ABLIM1: variants seen among roughly 807,000 people sequenced by gnomAD.
ABLIM1 encodes actin-binding LIM protein 1.
Under a neutral mutation model 107.0 loss-of-function variants are expected in ABLIM1, and 40 were observed. That is an observed-to-expected ratio of 0.37 (90% CI 0.29 to 0.49). The LOEUF (loss-of-function observed/expected upper bound fraction) is 0.49. ABLIM1 is among the 20% of genes least tolerant of loss of function. The probability of loss-of-function intolerance (pLI) is 0.97; values close to 1 mark genes in which losing one functional copy is unlikely to be tolerated. For missense variants in ABLIM1, 857 were observed against 1,008.5 expected, an observed-to-expected ratio of 0.85 and a Z score of 2.04; for synonymous variants, 357 against 357.3, an observed-to-expected ratio of 1.00 and a Z score of 0.01.
chr10:114,736,653 G>C (rs949726531), intron 1 of ABLIM1, among the ~76,000 whole-genome samples: 4 of 152,264 alleles, frequency 2.6e-5, no homozygotes, highest in African/African-American at 9.6e-5. Flanking sequence ...GAAATCTAGT[G>C]ACCAACATAT....
chr10:114,565,589 G>A (rs991544039), intron 4 of ABLIM1, among the ~76,000 whole-genome samples: 1 of 151,982 alleles, frequency 6.6e-6, no homozygotes, highest in Non-Finnish European at 1.5e-5. Flanking sequence ...CGGAAGCCAG[G>A]GCAGATCTTT....
At chr10:114,445,520 C>T (rs1175552954) in intron 15 of ABLIM1, 117 bp from the exon 16 acceptor site, 1 of 825,346 alleles carries the variant, frequency 1.2e-6, no homozygotes, top group Non-Finnish European at 2.0e-6. Context: ...GTCTTTAACA[C>T]TTTTAAGTAA....
In ABLIM1 at chr10:114,647,131, G is replaced by T. The variant is rs866075822; in HGVS notation, c.244+10826C>A. 1.6e-4 allele frequency among the ~76,000 whole-genome samples: 25 copies of T among 152,276 alleles called. 1 individual carries two copies. In the Middle Eastern group the frequency reaches 0.017, roughly 104 times the overall value. On this transcript the variant is annotated intron_variant, in intron 1 of 22. Transcript: ENST00000533213. ...GTGCCTCAGCCTCCCAAGTAGTTGG[G>T]ATTACAGGTGTGTACCACCATGCCC...
chr10:114,732,517 G>T (rs1436928487), intron 1 of ABLIM1, among the ~76,000 whole-genome samples: 3 of 151,886 alleles, frequency 2.0e-5, no homozygotes, highest in African/African-American at 7.2e-5. Flanking sequence ...CCATTCTGTA[G>T]GTTGCAATTT....
chr10:114,436,455 TAC>T (rs2059406185), intron 22 of ABLIM1, 82 bp from the exon 23 acceptor site: 3 of 1,017,916 alleles, frequency 2.9e-6, no homozygotes, highest in Admixed American at 4.4e-5. Context: ...CTATAGTTTA[TAC>T]AGAGTCATTC....
At chr10:114,575,357 C>A in intron 3 of ABLIM1, 59 bp downstream of exon 3, 1 of 1,579,784 alleles carries the variant, frequency 6.3e-7, no homozygotes, top group Non-Finnish European at 8.6e-7. Context: ...TTTAACAGCC[C>A]AAACCAGCAT....
intron 1 of ABLIM1, among the ~76,000 whole-genome samples, chr10:114,701,973 G>A (rs1020426985): frequency 1.1e-4 from 16 of 152,158 alleles, no homozygotes; most frequent in African/African-American, 2.7e-4. Flanking sequence ...GAAGCTGGGC[G>A]ATGGGTACTT....
intron 2 of ABLIM1, among the ~76,000 whole-genome samples, chr10:114,582,288 G>A (rs549253189): frequency 7.8e-4 from 118 of 152,000 alleles, no homozygotes; most frequent in African/African-American, 2.6e-3. Flanking sequence ...CAAAAACACC[G>A]AGGAATCCAT....
chr10:114,785,166 A>G, the ABLIM1 span, among the ~76,000 whole-genome samples: 1 of 152,236 alleles, frequency 6.6e-6, no homozygotes, highest in African/African-American at 2.4e-5. Flanking sequence ...AAATCAACAC[A>G]CATTAAAATA....
chr10:114,766,499 A>G (rs1288243689), intron 1 of ABLIM1, among the ~76,000 whole-genome samples: 6 of 152,168 alleles, frequency 3.9e-5, no homozygotes, highest in Non-Finnish European at 8.8e-5. Flanking sequence ...ACATCCTCAG[A>G]TAAACCCGAG....
chr10:114,721,129 T>A (rs2081836167), intron 1 of ABLIM1, among the ~76,000 whole-genome samples: 1 of 152,228 alleles, frequency 6.6e-6, no homozygotes, highest in Non-Finnish European at 1.5e-5. Context: ...TATTAATAGA[T>A]TGAGTAGCTT....
intron 1 of ABLIM1, among the ~76,000 whole-genome samples, chr10:114,725,511 T>C (rs1471102474): frequency 6.6e-6 from 1 of 152,062 alleles, no homozygotes; most frequent in Non-Finnish European, 1.5e-5. Context: ...AAATGGTGCG[T>C]AGAGTATGGT....
intron 1 of ABLIM1, among the ~76,000 whole-genome samples, chr10:114,765,712 C>A (rs796832486): frequency 3.3e-5 from 5 of 152,220 alleles, no homozygotes; most frequent in African/African-American, 1.2e-4. Context: ...TTCAAATTCA[C>A]ATAAATAAAA....
intron 6 of ABLIM1, among the ~76,000 whole-genome samples, chr10:114,521,508 A>T (rs975545627): frequency 5.8e-4 from 89 of 152,320 alleles, no homozygotes; most frequent in African/African-American, 2.1e-3. Context: ...GTAACTGGAT[A>T]AGATGGTTAG....
the ABLIM1 span, among the ~76,000 whole-genome samples, chr10:114,791,241 A>AG: frequency 6.6e-6 from 1 of 152,148 alleles, no homozygotes; most frequent in African/African-American, 2.4e-5. Context: ...GTCACTACAC[A>AG]GGGCTACTTA....
At chr10:114,682,859 G>A (rs11196869) in intron 1 of ABLIM1, among the ~76,000 whole-genome samples, 35,623 of 152,072 alleles carry the variant, frequency 0.23, 6,377 homozygotes, top group African/African-American at 0.5. Context: ...GTCTCTCTGC[G>A]TGTAAGATTT....
intron 8 of ABLIM1, among the ~76,000 whole-genome samples, chr10:114,477,849 C>A (rs1179355455): frequency 6.6e-6 from 1 of 152,168 alleles, no homozygotes; most frequent in Non-Finnish European, 1.5e-5. Flanking sequence ...CTCAGCCTCC[C>A]AAGTAGCTGG....
intron 1 of ABLIM1, among the ~76,000 whole-genome samples, chr10:114,709,655 C>A (rs2081503768): frequency 6.6e-6 from 1 of 152,088 alleles, no homozygotes; most frequent in African/African-American, 2.4e-5. Context: ...CTTTTCTCTA[C>A]ATAGAAAAAA....
intron 1 of ABLIM1, among the ~76,000 whole-genome samples, chr10:114,640,144 C>G (rs922965604): frequency 6.6e-6 from 1 of 152,190 alleles, no homozygotes; most frequent in African/African-American, 2.4e-5. Flanking sequence ...GGGCAACTAG[C>G]GCTGTCTTCC....
Sources: gnomAD v4.1 joint callset for allele counts (sites outside exome capture counted in the v4.1 genomes callset) on GRCh38, gnomAD v4.1.1 for gene constraint, MANE v1.5 for transcripts, NCBI Gene and HGNC (gene_info 2026-07-23, HGNC 2026-07-21) for gene names.